Variants in CCDC13 observed in about 807,000 individuals in gnomAD.
CCDC13 encodes the protein coiled-coil domain containing 13, also known as coiled-coil domain-containing protein 13.
CCDC13 carries 70 observed loss-of-function variants against 87.3 expected under a neutral mutation model. The observed-to-expected ratio is 0.80, with a 90% CI of 0.66 to 0.98. The LOEUF (loss-of-function observed/expected upper bound fraction) is 0.98, where lower values mean the gene tolerates loss of function less well. Among genes scored for constraint, CCDC13 ranks in the 50% least tolerant of loss-of-function variants. The pLI is 0.00. For missense variants in CCDC13, 842 were observed against 892.0 expected, an observed-to-expected ratio of 0.94 and a Z score of 0.71; for synonymous variants, 317 against 360.3, an observed-to-expected ratio of 0.88 and a Z score of 1.36.
At chr3:42,770,955 C>T (rs763533146) in intron 1 of CCDC13, 1 of 152,286 alleles carries the variant, frequency 6.6e-6, no homozygotes, top group African/African-American at 2.4e-5. Context: ...TGTAATAACA[C>T]TCACCGCGAG....
At position 42,757,159 on chromosome 3, in the gene CCDC13, C is replaced by T. The variant is rs747323363; in HGVS notation, c.277G>A (p.Glu93Lys). Residue 93 changes from glutamate (E) to lysine (K), a missense_variant, in exon 3 of 16, where the codon GAG becomes AAG. Coordinates refer to ENST00000310232, the MANE Select transcript of CCDC13 (RefSeq NM_144719.4). ...AGCAGCTTATACAATCGCCCGTTCT[C>T]GTCCACCGTTTCCCTGAGCTCATTT... ...LRNELRETVD[E>K]NGRLYKLLKE... is the part of the protein sequence containing the mutation. 6.9e-5 allele frequency: 111 copies of T among 1,614,090 alleles called. No individual in the cohort carries two copies. The highest frequency in any genetic ancestry group is 9.2e-5 in the Non-Finnish European group (108 of 1,180,044).
chr3:42,725,817 G>GA (rs1698673102), intron 13 of CCDC13, among the ~76,000 whole-genome samples: 1 of 151,694 alleles, frequency 6.6e-6, no homozygotes, highest in African/African-American at 2.4e-5. Context: ...CTCCTACAAG[G>GA]AAAAAAGCCC....
chr3:42,734,082 T>TAA (rs1037165946), intron 10 of CCDC13, among the ~76,000 whole-genome samples: 1 of 152,126 alleles, frequency 6.6e-6, no homozygotes, highest in African/African-American at 2.4e-5. Flanking sequence ...GGGTGGAGGC[T>TAA]AAGCCTGCCA....
intron 13 of CCDC13, among the ~76,000 whole-genome samples, chr3:42,720,792 T>G (rs1698542478): frequency 6.6e-6 from 1 of 152,220 alleles, no homozygotes; most frequent in South Asian, 2.1e-4. Context: ...TATTCAGCTT[T>G]TCCGTCAATT....
chr3:42,754,347 C>T (rs1310656004), intron 3 of CCDC13, among the ~76,000 whole-genome samples: 1 of 152,132 alleles, frequency 6.6e-6, no homozygotes, highest in Non-Finnish European at 1.5e-5. Context: ...AGGCTCAGAG[C>T]AGACCTGGAG....
At chr3:42,769,106 C>T (rs1190951101) in intron 1 of CCDC13, among the ~76,000 whole-genome samples, 1 of 151,924 alleles carries the variant, frequency 6.6e-6, no homozygotes, top group Non-Finnish European at 1.5e-5. Context: ...CCATTGCACT[C>T]CAGTCTGGGC....
At chr3:42,761,772 C>G (rs2125912061) in intron 1 of CCDC13, among the ~76,000 whole-genome samples, 1 of 152,240 alleles carries the variant, frequency 6.6e-6, no homozygotes, top group Non-Finnish European at 1.5e-5. Context: ...GCCTGTTTTC[C>G]CTTTCATAAT....
At chr3:42,739,916 G>A (rs1575304352) in intron 8 of CCDC13, 106 bp from the exon 9 acceptor site, 2 of 1,081,962 alleles carry the variant, frequency 1.8e-6, no homozygotes, top group East Asian at 2.4e-5. Flanking sequence ...GGGGGTGGGG[G>A]TGCTTGTTGA....
intron 13 of CCDC13, among the ~76,000 whole-genome samples, chr3:42,715,215 A>G (rs889381928): frequency 2.6e-5 from 4 of 151,902 alleles, no homozygotes; most frequent in South Asian, 2.1e-4. Flanking sequence ...AGGCTGAGGC[A>G]GGAGAATCAC....
intron 5 of CCDC13, among the ~76,000 whole-genome samples, chr3:42,750,164 C>T (rs1699538484): frequency 6.6e-6 from 1 of 152,214 alleles, no homozygotes; most frequent in African/African-American, 2.4e-5. Flanking sequence ...TGACTTCACC[C>T]CAGCTTTTTT....
intron 13 of CCDC13, among the ~76,000 whole-genome samples, chr3:42,716,286 A>G (rs77317692): frequency 0.011 from 1,699 of 152,280 alleles, 38 homozygotes; most frequent in African/African-American, 0.039. Context: ...AGAAAGTTCT[A>G]TCTAACCTCC....
chr3:42,745,975 G>A lies in CCDC13; in HGVS notation c.773C>T (p.Ser258Leu), dbSNP rs141737119. The A allele has an allele frequency of 4.3e-5, 70 of 1,614,026 alleles. No homozygotes were observed. Among genetic ancestry groups the A allele is most frequent in the African/African-American group, 6.7e-5 (5 of 74,910 alleles). Residue 258 changes from serine to leucine, a missense_variant, in exon 7 of 16, where the codon TCG becomes TTG. Physicochemically the swap from Ser to Leu is moderately radical, Grantham distance 145 (BLOSUM62 -2). Coordinates refer to ENST00000310232, the MANE Select transcript of CCDC13 (RefSeq NM_144719.4). ...AGCCCGACCCCTCCAGGTCCCTGGC[G>A]AAGATAGGAGCTGCTGAACGTTGAT... ...EDINVQQLLSSPGTWRGRAQQ... is the reference protein window; with the variant it reads ...EDINVQQLLSLPGTWRGRAQQ...
Position 42,735,892 on chromosome 3 carries a change from C to T in CCDC13, c.1186G>A (p.Glu396Lys). The T allele has an allele frequency of 6.2e-7, 1 of 1,613,980 alleles. No individual in the cohort carries two copies. Among genetic ancestry groups the T allele is most frequent in the African/African-American group, 1.3e-5 (1 of 75,056 alleles). The change falls in exon 10 of 16, where the codon GAG (glutamate) becomes AAG (lysine). Residue 396 changes from glutamate to lysine, a missense_variant. By Grantham distance (56) the Glu-to-Lys change is moderately conservative. Coordinates refer to ENST00000310232, the MANE Select transcript of CCDC13 (RefSeq NM_144719.4). ...ALMDQLKQLQ[E>K]ILGSLSLQEE... ...TGCAGACTCAGGCTGCCTAGGATCT[C>T]CTGTAGCTGCTTCAGCTGGTCCTGG...
At chr3:42,730,915 T>C (rs1698813898) in intron 12 of CCDC13, among the ~76,000 whole-genome samples, 1 of 152,084 alleles carries the variant, frequency 6.6e-6, no homozygotes, top group African/African-American at 2.4e-5. Context: ...CCTGGGTATC[T>C]GTGTGGCCTT....
At chr3:42,756,521 G>A (rs918448893) in intron 3 of CCDC13, among the ~76,000 whole-genome samples, 2 of 151,782 alleles carry the variant, frequency 1.3e-5, no homozygotes, top group African/African-American at 4.8e-5. Flanking sequence ...CCTAGAACAG[G>A]TGACTCATCT....
At chr3:42,730,217 C>T (rs948277073) in intron 13 of CCDC13, among the ~76,000 whole-genome samples, 3 of 152,042 alleles carry the variant, frequency 2.0e-5, no homozygotes, top group African/African-American at 7.2e-5. Context: ...CCCGAGACTC[C>T]CAGCAATGTC....
intron 5 of CCDC13, among the ~76,000 whole-genome samples, chr3:42,751,215 C>T (rs1304757274): frequency 6.6e-6 from 1 of 152,212 alleles, no homozygotes; most frequent in Non-Finnish European, 1.5e-5. Context: ...CTCTCACCAA[C>T]TGGCCTGGCT....
intron 13 of CCDC13, among the ~76,000 whole-genome samples, chr3:42,726,188 C>G (rs1180745727): frequency 6.6e-6 from 1 of 152,032 alleles, no homozygotes; most frequent in Admixed American, 6.6e-5. Context: ...ATTACAGGTG[C>G]CTGCCACCAC....
Position 42,707,014 on chromosome 3 carries a change from C to T in CCDC13, c.*1966G>A, listed in dbSNP as rs1474022981. 6.6e-6 allele frequency among the ~76,000 whole-genome samples: 1 copy of T among 152,206 alleles called. No homozygotes were observed. Among genetic ancestry groups the T allele is most frequent in the African/African-American group, 2.4e-5 (1 of 41,450 alleles). Reference sequence around the variant, plus strand: ...CTCAGGCATAGCCCAGGAAGGGCAGCAGAACCACCCTGAAGTGGCTGGAGT... The same window carrying T: ...CTCAGGCATAGCCCAGGAAGGGCAGTAGAACCACCCTGAAGTGGCTGGAGT... On this transcript the variant is annotated 3_prime_UTR_variant, in exon 16 of 16. Transcript: ENST00000310232.
Sources: allele counts gnomAD v4.1 joint callset (sites outside exome capture counted in the v4.1 genomes callset), GRCh38; gene constraint gnomAD v4.1.1; transcripts MANE v1.5; gene names NCBI Gene and HGNC (gene_info 2026-07-23, HGNC 2026-07-21).